Variants in ANK1 observed in about 807,000 individuals in gnomAD.
ANK1 encodes ankyrin-1.
A neutral mutation model predicts 210.4 loss-of-function variants in ANK1; 51 were observed. The observed-to-expected ratio is 0.24, with a 90% confidence interval of 0.19 to 0.31. ANK1 has a LOEUF of 0.31. Among genes scored for constraint, ANK1 ranks in the 10% least tolerant of loss-of-function variants. The pLI, the probability that ANK1 is intolerant of heterozygous loss-of-function variation, is 1.00. For missense variants in ANK1, 2,051 were observed against 2,504.4 expected, an observed-to-expected ratio of 0.82 and a Z score of 3.86; for synonymous variants, 967 against 1,025.9, an observed-to-expected ratio of 0.94 and a Z score of 1.10.
intron 2 of ANK1, among the ~76,000 whole-genome samples, chr8:41,740,017 G>A (rs796600043): frequency 4.2e-4 from 64 of 152,066 alleles, no homozygotes; most frequent in African/African-American, 1.1e-3. Context: ...GCCCTCTAAG[G>A]TGGGATTTCT....
At chr8:41,763,400 G>A (rs1472605503) in intron 1 of ANK1, among the ~76,000 whole-genome samples, 1 of 152,102 alleles carries the variant, frequency 6.6e-6, no homozygotes, top group South Asian at 2.1e-4. Flanking sequence ...ATAACAACCT[G>A]TGGGTAGGTA....
chr8:41,852,398 C>T (rs1032171337), intron 1 of ANK1, among the ~76,000 whole-genome samples: 2 of 152,210 alleles, frequency 1.3e-5, no homozygotes, highest in Admixed American at 1.3e-4. Flanking sequence ...CCACTGCTTG[C>T]CTCTCCTGCA....
At chr8:41,770,274 C>A (rs888786516) in intron 1 of ANK1, among the ~76,000 whole-genome samples, 1 of 152,172 alleles carries the variant, frequency 6.6e-6, no homozygotes, top group Non-Finnish European at 1.5e-5. Context: ...TGAGCCACTG[C>A]GCCCAGCTTA....
At chr8:41,714,942 G>C in intron 15 of ANK1, 34 bp downstream of exon 15, 2 of 1,603,154 alleles carry the variant, frequency 1.2e-6, no homozygotes, top group Middle Eastern at 1.7e-4. Context: ...CCTCTAACCT[G>C]AGAGCTGCAG....
chr8:41,716,521 C>T (rs1290869953), intron 13 of ANK1, among the ~76,000 whole-genome samples: 1 of 152,152 alleles, frequency 6.6e-6, no homozygotes, highest in Non-Finnish European at 1.5e-5. Context: ...GCCGAGTGAG[C>T]AACTGGCAAA....
rs779150672 is a variant in ANK1 at position 41,695,246 on chromosome 8, C to T, written c.3046G>A (p.Val1016Met). Residue 1016 changes from valine to methionine, a missense_variant, in exon 27 of 43, where the codon GTG becomes ATG. Val to Met is a conservative substitution (Grantham distance 21, BLOSUM62 1). This residue lies in a region of ANK1 where 1,413 missense variants were observed against 1,707.4 expected (regional missense o/e 0.83). Transcript: ENST00000289734. ...TAGCGGCTCCTGTGCTCCTTCCACACGGAGCCGTTTTCGCTCCTCAGAACC... is the reference window on the plus strand; with the variant it reads ...TAGCGGCTCCTGTGCTCCTTCCACATGGAGCCGTTTTCGCTCCTCAGAACC... ...LVVLRSENGS[V>M]WKEHRSRYGE... The T allele has an allele frequency of 2.4e-5, 38 of 1,614,028 alleles. No individual in the cohort carries two copies. Among genetic ancestry groups the T allele is most frequent in the East Asian group, 1.8e-4 (8 of 44,892 alleles).
At chr8:41,753,058 CTCT>C (rs1340240976) in intron 2 of ANK1, among the ~76,000 whole-genome samples, 1 of 129,164 alleles carries the variant, frequency 7.7e-6, no homozygotes, top group African/African-American at 2.8e-5. Flanking sequence ...CTGCCGCAGG[CTCT>C]TTTTTTTTTT....
intron 2 of ANK1, among the ~76,000 whole-genome samples, chr8:41,737,926 C>T (rs1833838588): frequency 6.6e-6 from 1 of 152,194 alleles, no homozygotes; most frequent in South Asian, 2.1e-4. Context: ...TGGAGAACCT[C>T]GTCTGTGTCT....
At position 41,803,055 on chromosome 8, in the gene ANK1, G is replaced by GGA. The variant is rs3065764; in HGVS notation, c.127-44919_127-44918insTC. Among the ~76,000 whole-genome samples, 479 of 73,574 alleles carry GGA rather than the reference G, an allele frequency of 6.5e-3. 4 individuals are homozygous for GGA. Among genetic ancestry groups the GGA allele is most frequent in the African/African-American group, 0.026 (435 of 16,840 alleles). The allele number at this position is 73,574 out of a possible 152,430, so 48.3% of individuals were successfully genotyped here. On this transcript the variant is annotated intron_variant, in intron 1 of 42. Transcript: ENST00000265709. ...AAAGAAAGAAAGAGAAAGAAAGAAA[G>GGA]AGAGAAAGGAAGGAAGGAAGGAAGG... is the stretch of plus-strand genomic sequence containing the variant.
chr8:41,675,129 T>C (rs486499), intron 37 of ANK1, among the ~76,000 whole-genome samples: 116,374 of 152,212 alleles, frequency 0.76, 44,760 homozygotes, highest in Admixed American at 0.81. Context: ...CTTGCTCTGT[T>C]GCCCAGGCTG....
intron 36 of ANK1, 31 bp downstream of exon 36, chr8:41,686,120 AG>A: frequency 6.2e-7 from 1 of 1,614,190 alleles, no homozygotes; most frequent in Non-Finnish European, 8.5e-7. Flanking sequence ...AGGAGGTCCT[AG>A]GACAGGCTTC....
At chr8:41,737,842 G>T (rs145131021) in intron 2 of ANK1, among the ~76,000 whole-genome samples, 6 of 152,194 alleles carry the variant, frequency 3.9e-5, no homozygotes, top group Admixed American at 2.6e-4. Flanking sequence ...GGAAGCACTT[G>T]TCTCAGCCAC....
chr8:41,665,196 AG>A, intron 39 of ANK1: 4 of 1,530,960 alleles, frequency 2.6e-6, no homozygotes, highest in Non-Finnish European at 2.6e-6. Context: ...CTCTGTGGGC[AG>A]GACACCGAAT....
At chr8:41,764,004 A>G (rs989832640) in intron 1 of ANK1, among the ~76,000 whole-genome samples, 4 of 142,414 alleles carry the variant, frequency 2.8e-5, no homozygotes, top group Non-Finnish European at 6.0e-5. Flanking sequence ...CACTCCCAGT[A>G]GCAACTACAC....
rs1302136186 is a variant in ANK1 at position 41,715,063 on chromosome 8, G to A, written c.1614C>T (p.Thr538=). Residue 538 remains threonine, a synonymous_variant, in exon 15 of 43, where the codon ACC becomes ACT. Coordinates refer to ENST00000289734, the MANE Select transcript of ANK1 (RefSeq NM_000037.4). The part of the protein sequence containing the change: ...SQACMTKKGF[T]PLHVAAKYGK... ...CGTACTTGGCCGCCACGTGCAGAGG[G>A]GTAAATCCTTTCTGAGGAGAAACAG... 5 of 1,614,154 alleles carry A rather than the reference G, an allele frequency of 3.1e-6. No individual in the cohort carries two copies. Among genetic ancestry groups the A allele is most frequent in the Non-Finnish European group, 2.5e-6 (3 of 1,180,026 alleles).
At chr8:41,672,328 C>T in intron 38 of ANK1, 26 bp downstream of exon 38, 1 of 1,612,106 alleles carries the variant, frequency 6.2e-7, no homozygotes, top group Non-Finnish European at 8.5e-7. Context: ...CAAAAAGGGA[C>T]CCTGCTCCCA....
At chr8:41,815,055 G>T (rs898260392) in intron 1 of ANK1, among the ~76,000 whole-genome samples, 4 of 152,078 alleles carry the variant, frequency 2.6e-5, no homozygotes, top group African/African-American at 9.7e-5. Context: ...ATTTTGGAAA[G>T]TACCAATATC....
intron 1 of ANK1, among the ~76,000 whole-genome samples, chr8:41,867,425 G>A (rs1272266942): frequency 1.3e-5 from 2 of 152,100 alleles, no homozygotes; most frequent in African/African-American, 4.8e-5. Context: ...CTCCTAAAAT[G>A]CACAAAATCT....
intron 1 of ANK1, among the ~76,000 whole-genome samples, chr8:41,782,562 T>A (rs1209962970): frequency 6.6e-6 from 1 of 152,168 alleles, no homozygotes; most frequent in Admixed American, 6.5e-5. Context: ...CTAAACATTG[T>A]AGAGCCCTCC....
Sources: allele counts gnomAD v4.1 joint callset (sites outside exome capture counted in the v4.1 genomes callset), GRCh38; gene constraint gnomAD v4.1.1; regional missense constraint gnomAD v4.1.1; transcripts MANE v1.5; gene names NCBI Gene and HGNC (gene_info 2026-07-23, HGNC 2026-07-21).